The following PPFIBP1 variants were observed in gnomAD, a reference collection of about 807,000 sequenced individuals.
PPFIBP1 encodes liprin-beta-1.
Under a neutral mutation model 137.8 loss-of-function variants are expected in PPFIBP1, and 112 were observed. The observed-to-expected ratio is 0.81, with a 90% CI of 0.70 to 0.95. The LOEUF is 0.95. Among genes scored for constraint, PPFIBP1 ranks in the 40% least tolerant of loss-of-function variants. PPFIBP1 has a pLI of 0.00. For synonymous variants in PPFIBP1, 378 were observed against 417.3 expected (o/e 0.91, Z 1.15); for missense variants, 1,083 against 1,196.6 (o/e 0.91, Z 1.40).
chr12:27,593,266 A>G (rs1008878450), intron 2 of PPFIBP1: 16 of 245,908 alleles, frequency 6.5e-5, no homozygotes, highest in Non-Finnish European at 1.0e-4. Context: ...CTCCACCCTG[A>G]CTCCTTTCTT....
At chr12:27,549,778 T>G (rs1025138590) in intron 1 of PPFIBP1, among the ~76,000 whole-genome samples, 7 of 152,206 alleles carry the variant, frequency 4.6e-5, no homozygotes, top group African/African-American at 1.7e-4. Flanking sequence ...CACTCACTTA[T>G]GCACACACAA....
intron 10 of PPFIBP1, among the ~76,000 whole-genome samples, chr12:27,659,066 C>G (rs1422475144): frequency 6.6e-6 from 1 of 152,196 alleles, no homozygotes; most frequent in Non-Finnish European, 1.5e-5. Flanking sequence ...AACCTTTCCG[C>G]TCTACAGTGT....
At chr12:27,604,176 G>C (rs377387946) in intron 2 of PPFIBP1, among the ~76,000 whole-genome samples, 1 of 152,182 alleles carries the variant, frequency 6.6e-6, no homozygotes, top group African/African-American at 2.4e-5. Flanking sequence ...ACTGACTGGC[G>C]TCCAGCTCCA....
chr12:27,634,217 G>A (rs572183882), intron 3 of PPFIBP1, among the ~76,000 whole-genome samples: 1 of 149,508 alleles, frequency 6.7e-6, no homozygotes, highest in Admixed American at 6.8e-5. Context: ...CTATTTACAG[G>A]CATGATTACC....
chr12:27,683,781 TTTTTATTTTA>T, intron 24 of PPFIBP1, among the ~76,000 whole-genome samples: 1 of 139,036 alleles, frequency 7.2e-6, no homozygotes, highest in African/African-American at 3.4e-5. Flanking sequence ...TTTATTTTTA[TTTTTATTTTA>T]TTTTATTTTA....
At chr12:27,539,879 T>C (rs1003173657) in intron 1 of PPFIBP1, among the ~76,000 whole-genome samples, 1 of 152,158 alleles carries the variant, frequency 6.6e-6, no homozygotes, top group African/African-American at 2.4e-5. Context: ...ATTTTTTCCA[T>C]AGATGAAATA....
chr12:27,644,054 C>T (rs1183429974), intron 4 of PPFIBP1, among the ~76,000 whole-genome samples: 1 of 151,572 alleles, frequency 6.6e-6, no homozygotes, highest in Non-Finnish European at 1.5e-5. Context: ...CTATAATTTC[C>T]TCCAACCAGA....
intron 7 of PPFIBP1, among the ~76,000 whole-genome samples, chr12:27,650,606 G>A (rs1452274720): frequency 2.6e-5 from 4 of 151,954 alleles, no homozygotes; most frequent in African/African-American, 9.7e-5. Flanking sequence ...GCTTTTTTGA[G>A]GTCTTTTAAT....
At chr12:27,590,455 C>T (rs1194312235) in intron 2 of PPFIBP1, among the ~76,000 whole-genome samples, 1 of 152,156 alleles carries the variant, frequency 6.6e-6, no homozygotes, top group Non-Finnish European at 1.5e-5. Flanking sequence ...AGATTACAGG[C>T]GTGAGCCACT....
intron 12 of PPFIBP1, among the ~76,000 whole-genome samples, 193 bp from the exon 13 acceptor site, chr12:27,666,973 C>T (rs2059896553): frequency 6.6e-6 from 1 of 151,132 alleles, no homozygotes; most frequent in South Asian, 2.1e-4. Context: ...CCCAAGAGCC[C>T]TTGGCCTTAG....
intron 8 of PPFIBP1, among the ~76,000 whole-genome samples, chr12:27,655,956 G>A (rs974024764): frequency 4.6e-5 from 7 of 152,190 alleles, no homozygotes; most frequent in African/African-American, 1.7e-4. Context: ...ATTTAAACAT[G>A]AGTACATAGA....
chr12:27,605,637 A>C (rs140793751), intron 2 of PPFIBP1, among the ~76,000 whole-genome samples: 2 of 152,316 alleles, frequency 1.3e-5, no homozygotes, highest in East Asian at 3.9e-4. Flanking sequence ...CTTTACACTT[A>C]TGACACATTT....
chr12:27,649,359 A>C lies in PPFIBP1; in HGVS notation c.472-651A>C, dbSNP rs140631687. Among the ~76,000 whole-genome samples the C allele has an allele frequency of 2.0e-5, 3 of 152,290 alleles. No individual in the cohort carries two copies. In the East Asian group the frequency reaches 5.8e-4, roughly 29 times the overall value. On this transcript the variant is annotated intron_variant, in intron 6 of 29. Transcript: ENST00000228425. ...CTGATAAGTTTTTTGTGAGGATTGA[A>C]ATAGTATTTGTTACAACCGGTGCCT...
chr12:27,682,750 C>A, intron 24 of PPFIBP1, 47 bp downstream of exon 24: 2 of 1,611,898 alleles, frequency 1.2e-6, no homozygotes, highest in Non-Finnish European at 1.7e-6. Context: ...CTTTTTTTCT[C>A]TGAAAAACAC....
intron 1 of PPFIBP1, among the ~76,000 whole-genome samples, chr12:27,531,482 T>G (rs1944417038): frequency 6.6e-6 from 1 of 151,744 alleles, no homozygotes; most frequent in African/African-American, 2.4e-5. Flanking sequence ...TTTGTATTTT[T>G]AGTAGAGACA....
chr12:27,664,415 A>G lies in PPFIBP1; in HGVS notation c.960A>G (p.Gln320=). The part of the protein sequence containing the change: ...RQCLNRYKKM[Q]DTVVLAQGKK... ...GCCTGAACAGGTACAAGAAAATGCA[A>G]GACACGGTGGTACTGGCCCAAGGTA... Residue 320 remains glutamine (Q), a synonymous_variant, in exon 12 of 30, where the codon CAA becomes CAG. Coordinates refer to ENST00000228425, the MANE Select transcript of PPFIBP1 (RefSeq NM_003622.4). 6.2e-7 allele frequency: 1 copy of G among 1,613,144 alleles called. No homozygotes were observed. The highest frequency in any genetic ancestry group is 8.5e-7 in the Non-Finnish European group (1 of 1,179,258).
intron 2 of PPFIBP1, among the ~76,000 whole-genome samples, chr12:27,632,770 A>G (rs2057350841): frequency 6.6e-6 from 1 of 152,200 alleles, no homozygotes; most frequent in African/African-American, 2.4e-5. Flanking sequence ...TGGATAATTT[A>G]TGTAAATGTG....
chr12:27,673,207 A>G (rs1243604294), intron 15 of PPFIBP1, among the ~76,000 whole-genome samples: 1 of 152,184 alleles, frequency 6.6e-6, no homozygotes, highest in African/African-American at 2.4e-5. Flanking sequence ...TGTGAAAGAG[A>G]AAGTCTCTGG....
chr12:27,603,534 T>A (rs2054211247), intron 2 of PPFIBP1, among the ~76,000 whole-genome samples: 2 of 152,172 alleles, frequency 1.3e-5, no homozygotes, highest in Non-Finnish European at 2.9e-5. Context: ...TATCTGACTA[T>A]CTCCCCCACT....
Sources: gnomAD v4.1 joint callset for allele counts (sites outside exome capture counted in the v4.1 genomes callset) on GRCh38, gnomAD v4.1.1 for gene constraint, MANE v1.5 for transcripts, NCBI Gene and HGNC (gene_info 2026-07-23, HGNC 2026-07-21) for gene names.